Variants in BRINP3 observed in about 807,000 individuals in gnomAD.
BRINP3 encodes the protein BMP/retinoic acid inducible neural specific 3.
A neutral mutation model predicts 71.0 loss-of-function variants in BRINP3; 19 were observed. The observed-to-expected ratio is 0.27, with a 90% CI of 0.19 to 0.39. The LOEUF (loss-of-function observed/expected upper bound fraction) is 0.39. Among genes scored for constraint, BRINP3 ranks in the 10% least tolerant of loss-of-function variants. The pLI is 1.00. For synonymous variants in BRINP3, 380 were observed against 337.7 expected (o/e 1.13, Z -1.37); for missense variants, 959 against 940.8 (o/e 1.02, Z -0.25).
At chr1:190,285,187 A>G (rs1663326034) in intron 2 of BRINP3, among the ~76,000 whole-genome samples, 1 of 152,150 alleles carries the variant, frequency 6.6e-6, no homozygotes, top group African/African-American at 2.4e-5. Context: ...TTAAGTAAAG[A>G]CAGTCATCTC....
At chr1:190,224,127 GA>G (rs576762105) in intron 6 of BRINP3, among the ~76,000 whole-genome samples, 2,381 of 147,806 alleles carry the variant, frequency 0.016, 71 homozygotes, top group African/African-American at 0.053. Flanking sequence ...CACAGAAATA[GA>G]AAAAAAAAAT....
chr1:190,192,661 C>T (rs1048293658), intron 6 of BRINP3, among the ~76,000 whole-genome samples: 7 of 151,490 alleles, frequency 4.6e-5, no homozygotes, highest in Non-Finnish European at 1.0e-4. Context: ...AACACTGATC[C>T]AAGGTGAAGA....
At chr1:190,240,670 A>G (rs1658979906) in intron 4 of BRINP3, among the ~76,000 whole-genome samples, 2 of 151,916 alleles carry the variant, frequency 1.3e-5, no homozygotes, top group East Asian at 1.9e-4. Context: ...CAGGAGTTTG[A>G]GACCAGCCTG....
intron 2 of BRINP3, among the ~76,000 whole-genome samples, chr1:190,442,663 T>C (rs1674906131): frequency 6.6e-6 from 1 of 152,096 alleles, no homozygotes. Context: ...CGTGTGTGTG[T>C]GTGATTACGT....
chr1:190,296,126 C>T (rs576593637), intron 2 of BRINP3, among the ~76,000 whole-genome samples: 33 of 148,948 alleles, frequency 2.2e-4, no homozygotes, highest in African/African-American at 7.6e-4. Context: ...TTTGCCAAAA[C>T]CAGTTTTAAG....
At chr1:190,416,916 C>A (rs1558267825) in intron 2 of BRINP3, among the ~76,000 whole-genome samples, 2 of 152,108 alleles carry the variant, frequency 1.3e-5, no homozygotes, top group Non-Finnish European at 2.9e-5. Flanking sequence ...TCCTCCAGAT[C>A]CAAGCAATTT....
At chr1:190,399,512 T>G (rs1261597647) in intron 2 of BRINP3, among the ~76,000 whole-genome samples, 1 of 151,970 alleles carries the variant, frequency 6.6e-6, no homozygotes, top group Non-Finnish European at 1.5e-5. Context: ...TTAGAATTTC[T>G]CAGGGGTTTT....
chr1:190,256,493 G>T (rs527412456), intron 4 of BRINP3, among the ~76,000 whole-genome samples: 3 of 152,180 alleles, frequency 2.0e-5, no homozygotes, highest in African/African-American at 7.2e-5. Context: ...TATATTTAAG[G>T]TTAATATTGT....
At chr1:190,201,855 G>C (rs1191445592) in intron 6 of BRINP3, among the ~76,000 whole-genome samples, 1 of 152,190 alleles carries the variant, frequency 6.6e-6, no homozygotes, top group Non-Finnish European at 1.5e-5. Flanking sequence ...AATACACATG[G>C]AAATGCCTGG....
intron 1 of BRINP3, among the ~76,000 whole-genome samples, chr1:190,468,532 G>A (rs1421515053): frequency 5.3e-5 from 8 of 151,080 alleles, no homozygotes; most frequent in Non-Finnish European, 1.0e-4. Flanking sequence ...ACAAAAACCT[G>A]CCAGAGTTCA....
chr1:190,425,367 C>A (rs572067769), intron 2 of BRINP3, among the ~76,000 whole-genome samples: 5 of 151,700 alleles, frequency 3.3e-5, no homozygotes, highest in South Asian at 4.1e-4. Context: ...CTGATGCTGG[C>A]AAGCACATAG....
chr1:190,268,991 T>A (rs1267841923), intron 3 of BRINP3, among the ~76,000 whole-genome samples: 1 of 152,118 alleles, frequency 6.6e-6, no homozygotes, highest in South Asian at 2.1e-4. Flanking sequence ...CAGCAATGAA[T>A]TGTAAGTGAA....
In BRINP3 at chr1:190,241,733, A is replaced by G. The variant is rs1226853362; in HGVS notation, c.619-7256T>C. Among the ~76,000 whole-genome samples the G allele has an allele frequency of 2.0e-5, 3 of 151,974 alleles. No homozygotes were observed. The South Asian group carries it at 6.2e-4, about 31-fold the overall frequency. On this transcript the variant is annotated intron_variant, in intron 4 of 7. Coordinates refer to ENST00000367462, the MANE Select transcript of BRINP3 (RefSeq NM_199051.3). ...CCACTAGGATTGTGAAGAGTAAAAT[A>G]CAAGTGTTGATTAGTTTCTATTATT...
chr1:190,340,051 A>C (rs572972306), intron 2 of BRINP3, among the ~76,000 whole-genome samples: 2 of 152,044 alleles, frequency 1.3e-5, no homozygotes, highest in South Asian at 2.1e-4. Context: ...GGAAAGAAAA[A>C]ATAGCTATTT....
intron 2 of BRINP3, among the ~76,000 whole-genome samples, chr1:190,426,706 A>G (rs1026502605): frequency 2.0e-5 from 3 of 151,882 alleles, no homozygotes; most frequent in African/African-American, 7.2e-5. Context: ...TGTTCCAAAT[A>G]ATTTTGTTTC....
intron 2 of BRINP3, among the ~76,000 whole-genome samples, chr1:190,420,246 A>C (rs918882792): frequency 6.6e-6 from 1 of 152,000 alleles, no homozygotes; most frequent in African/African-American, 2.4e-5. Context: ...GTCCCAATAT[A>C]TCACACTCAC....
intron 2 of BRINP3, among the ~76,000 whole-genome samples, chr1:190,349,574 T>C (rs1668240753): frequency 6.6e-6 from 1 of 152,086 alleles, no homozygotes. Context: ...GAAGCTAATG[T>C]CTTTTTCTTA....
chr1:190,438,955 C>T (rs1674643174), intron 2 of BRINP3, among the ~76,000 whole-genome samples: 1 of 151,860 alleles, frequency 6.6e-6, no homozygotes, highest in South Asian at 2.1e-4. Flanking sequence ...TATTTTCAGG[C>T]CTCTCTGTTT....
chr1:190,156,066 C>T (rs1209045780), intron 7 of BRINP3, among the ~76,000 whole-genome samples: 1 of 151,992 alleles, frequency 6.6e-6, no homozygotes, highest in Non-Finnish European at 1.5e-5. Flanking sequence ...CTCAAGGAAA[C>T]CAAATTGTCG....
Sources: allele counts gnomAD v4.1 joint callset (sites outside exome capture counted in the v4.1 genomes callset), GRCh38; gene constraint gnomAD v4.1.1; transcripts MANE v1.5; gene names NCBI Gene and HGNC (gene_info 2026-07-23, HGNC 2026-07-21).